The following POFUT3 variants were observed in gnomAD, a reference collection of about 807,000 sequenced individuals.
The protein encoded by POFUT3 is protein O-fucosyltransferase 3.
the POFUT3 span, among the ~76,000 whole-genome samples, chr8:33,414,404 C>A: frequency 3.3e-5 from 5 of 152,152 alleles, no homozygotes; most frequent in African/African-American, 9.7e-5. Context: ...CCTCTAAAAA[C>A]TTACCTACAG....
the POFUT3 span, chr8:33,361,341 A>G: frequency 6.6e-6 from 1 of 152,238 alleles, no homozygotes. Context: ...AAAAATTAAA[A>G]GGACTTATTC....
the POFUT3 span, among the ~76,000 whole-genome samples, chr8:33,374,250 T>C: frequency 6.6e-6 from 1 of 152,282 alleles, no homozygotes; most frequent in South Asian, 2.1e-4. Context: ...AAAATAGGTC[T>C]CTGGTGCCAA....
the POFUT3 span, among the ~76,000 whole-genome samples, chr8:33,396,355 T>C: frequency 6.6e-6 from 1 of 152,212 alleles, no homozygotes; most frequent in African/African-American, 2.4e-5. Flanking sequence ...CTGTTTGAAA[T>C]ACCTAGAATA....
the POFUT3 span, among the ~76,000 whole-genome samples, chr8:33,399,166 C>T: frequency 6.6e-6 from 1 of 152,042 alleles, no homozygotes; most frequent in Non-Finnish European, 1.5e-5. Flanking sequence ...TTAATGTTCC[C>T]TCAATACTTA....
At chr8:33,375,441 C>T in the POFUT3 span, among the ~76,000 whole-genome samples, 6 of 152,182 alleles carry the variant, frequency 3.9e-5, no homozygotes, top group Non-Finnish European at 5.9e-5. Flanking sequence ...TCAGAGGCTC[C>T]GGGAGAGATC....
chr8:33,341,434 C>CAAA, the POFUT3 span, among the ~76,000 whole-genome samples: 1 of 52,376 alleles, frequency 1.9e-5, no homozygotes, highest in African/African-American at 7.2e-5. Context: ...GACTCCATCT[C>CAAA]AAAAAAAAAA....
At chr8:33,372,219 G>A in the POFUT3 span, 11 of 1,014,936 alleles carry the variant, frequency 1.1e-5, no homozygotes, top group Middle Eastern at 5.0e-4. Flanking sequence ...AAGCTGTTGA[G>A]AGTGAGGTGA....
the POFUT3 span, among the ~76,000 whole-genome samples, chr8:33,339,655 C>T: frequency 5.5e-4 from 83 of 152,052 alleles, 2 homozygotes; most frequent in Admixed American, 9.2e-4. Flanking sequence ...AAACTAAAGA[C>T]AACATCTTGA....
the POFUT3 span, among the ~76,000 whole-genome samples, chr8:33,355,135 A>G: frequency 0.02 from 3,068 of 152,268 alleles, 86 homozygotes; most frequent in African/African-American, 0.07. Flanking sequence ...TTTCTTATCA[A>G]TGGGAGTATC....
chr8:33,449,833 T>C, the POFUT3 span, among the ~76,000 whole-genome samples: 1 of 151,938 alleles, frequency 6.6e-6, no homozygotes, highest in Non-Finnish European at 1.5e-5. Context: ...TTCTTCATAC[T>C]GAAATATCCT....
At chr8:33,389,373 A>G in the POFUT3 span, 13,491 of 1,614,150 alleles carry the variant, frequency 8.4e-3, 922 homozygotes, top group African/African-American at 0.15. Context: ...ATGATCCTAT[A>G]AAAGCCATCG....
the POFUT3 span, among the ~76,000 whole-genome samples, chr8:33,456,917 C>T: frequency 6.6e-6 from 1 of 151,512 alleles, no homozygotes; most frequent in Non-Finnish European, 1.5e-5. Flanking sequence ...TACAGGCATG[C>T]ACCACCACGC....
At chr8:33,436,697 C>T in the POFUT3 span, 1 of 770,664 alleles carries the variant, frequency 1.3e-6, no homozygotes, top group South Asian at 1.6e-5. Flanking sequence ...AACAGCTTCA[C>T]CATCCTGACC....
At chr8:33,322,779 C>T in the POFUT3 span, among the ~76,000 whole-genome samples, 1 of 152,102 alleles carries the variant, frequency 6.6e-6, no homozygotes, top group African/African-American at 2.4e-5. Context: ...AGCATTAAGG[C>T]AGATTTGGTT....
At chr8:33,383,453 G>A in the POFUT3 span, among the ~76,000 whole-genome samples, 1 of 152,174 alleles carries the variant, frequency 6.6e-6, no homozygotes, top group Admixed American at 6.5e-5. Context: ...ACTCTGAGAA[G>A]AAATAGCTTA....
chr8:33,427,382 A>G, the POFUT3 span, among the ~76,000 whole-genome samples: 5 of 151,992 alleles, frequency 3.3e-5, no homozygotes, highest in Non-Finnish European at 5.9e-5. Context: ...GTTCGAGACC[A>G]GCCTGGCCAA....
the POFUT3 span, among the ~76,000 whole-genome samples, chr8:33,403,273 T>TGC: frequency 0.015 from 2,217 of 148,908 alleles, 55 homozygotes; most frequent in African/African-American, 0.053. Flanking sequence ...GGTGTGTGCG[T>TGC]GTGTGTGTGT....
At chr8:33,443,052 G>A in the POFUT3 span, among the ~76,000 whole-genome samples, 78 of 152,236 alleles carry the variant, frequency 5.1e-4, no homozygotes, top group African/African-American at 1.6e-3. Flanking sequence ...GGCAGAAGGT[G>A]CAGTGAGCCA....
the POFUT3 span, among the ~76,000 whole-genome samples, chr8:33,380,843 A>C: frequency 6.6e-6 from 1 of 150,388 alleles, no homozygotes; most frequent in African/African-American, 2.5e-5. Flanking sequence ...TCTCAAAAAA[A>C]AAAAAAAATG....
Sources: allele counts gnomAD v4.1 joint callset (sites outside exome capture counted in the v4.1 genomes callset), GRCh38; gene constraint gnomAD v4.1.1; transcripts MANE v1.5; gene names NCBI Gene and HGNC (gene_info 2026-07-23, HGNC 2026-07-21).